Variants in KALRN observed in about 807,000 individuals in gnomAD.
The protein encoded by KALRN is kalirin.
A neutral mutation model predicts 353.7 loss-of-function variants in KALRN; 70 were observed. The observed-to-expected ratio is 0.20, with a 90% CI of 0.16 to 0.24. The LOEUF is 0.24. Ranked by LOEUF, KALRN falls within the 10% of genes least tolerant of loss-of-function variation. KALRN has a pLI of 1.00. For synonymous variants in KALRN, 1,391 were observed against 1,434.8 expected (o/e 0.97, Z 0.69); for missense variants, 2,791 against 3,756.7 (o/e 0.74, Z 6.72).
At chr3:124,223,571 AATCCATGG>A (rs1242260384) in intron 1 of KALRN, among the ~76,000 whole-genome samples, 2 of 152,246 alleles carry the variant, frequency 1.3e-5, no homozygotes, top group Non-Finnish European at 2.9e-5. Context: ...AACAAAGAGC[AATCCATGG>A]ATACTCTGGC....
chr3:124,155,339 AT>A (rs1168172134), intron 1 of KALRN, among the ~76,000 whole-genome samples: 1 of 152,132 alleles, frequency 6.6e-6, no homozygotes, highest in Non-Finnish European at 1.5e-5. Flanking sequence ...TGAAAATACC[AT>A]TCTTTCCTCA....
intron 50 of KALRN, 38 bp from the exon 51 acceptor site, chr3:124,679,420 G>A: frequency 6.3e-7 from 1 of 1,582,798 alleles, no homozygotes; most frequent in Non-Finnish European, 8.7e-7. Context: ...TTCTAACTGT[G>A]TTCTCTTTCT....
At chr3:124,685,606 G>A (rs1156230323) in intron 51 of KALRN, among the ~76,000 whole-genome samples, 3 of 152,188 alleles carry the variant, frequency 2.0e-5, no homozygotes, top group Non-Finnish European at 2.9e-5. Context: ...TCTGTTTTAG[G>A]AGGAGAATTT....
intron 5 of KALRN, among the ~76,000 whole-genome samples, chr3:124,272,033 G>A (rs1308068087): frequency 6.6e-6 from 1 of 152,156 alleles, no homozygotes; most frequent in African/African-American, 2.4e-5. Context: ...ACTACTGGAG[G>A]CAGTAAAGAG....
intron 34 of KALRN, among the ~76,000 whole-genome samples, chr3:124,566,440 G>A (rs1354902194): frequency 6.6e-6 from 1 of 151,910 alleles, no homozygotes; most frequent in Admixed American, 6.6e-5. Flanking sequence ...GGGAGGCTGA[G>A]GCTGCAGTGA....
intron 33 of KALRN, among the ~76,000 whole-genome samples, chr3:124,529,117 AT>A (rs1329592788): frequency 1.3e-5 from 2 of 152,162 alleles, no homozygotes; most frequent in Non-Finnish European, 2.9e-5. Context: ...CAAACTGGTA[AT>A]TGCCACAGGA....
In KALRN at chr3:124,719,036, A is replaced by G; in HGVS notation, c.8527A>G (p.Asn2843Asp). 6.2e-7 allele frequency: 1 copy of G among 1,614,106 alleles called. No individual in the cohort carries two copies. Among genetic ancestry groups the G allele is most frequent in the Non-Finnish European group, 8.5e-7 (1 of 1,180,008 alleles). Residue 2843 changes from asparagine to aspartate, a missense_variant, in exon 60 of 60, where the codon AAC becomes GAC. Transcript: ENST00000682506. The surrounding 1 kb of genome is among the most constrained non-coding windows in gnomAD (Gnocchi z 5.3). Reference protein sequence around the residue: ...GHFHIHHLLGNPEFAAPEVIQ... With the variant: ...GHFHIHHLLGDPEFAAPEVIQ... ...CTTCCACATTCACCACCTGCTGGGG[A>G]ACCCTGAGTTTGCTGCCCCAGAAGT...
Position 124,455,143 on chromosome 3 carries a change from T to C in KALRN, c.3553-34T>C, listed in dbSNP as rs370179447. On this transcript the variant is annotated intron_variant, in intron 21 of 59. Transcript: ENST00000682506. ...GGGTGAAGGGGCAGGAGAATAAATG[T>C]AATCCAGTAACTTAAGGCCATCTTT... The C allele has an allele frequency of 3.7e-6, 6 of 1,611,068 alleles. No individual in the cohort carries two copies. In the African/African-American group the frequency reaches 8.0e-5, roughly 22 times the overall value.
chr3:124,180,633 G>A (rs994621730), intron 1 of KALRN, among the ~76,000 whole-genome samples: 8 of 152,184 alleles, frequency 5.3e-5, no homozygotes, highest in Non-Finnish European at 1.0e-4. Flanking sequence ...GACCTCCCTC[G>A]TTGGACTCAT....
chr3:124,426,136 T>G (rs920070392), intron 15 of KALRN, among the ~76,000 whole-genome samples: 13 of 152,152 alleles, frequency 8.5e-5, no homozygotes, highest in African/African-American at 3.1e-4. Flanking sequence ...GACAGACTTG[T>G]TTTCCTTGTC....
At chr3:124,211,583 G>A (rs1383222995) in intron 1 of KALRN, among the ~76,000 whole-genome samples, 1 of 152,132 alleles carries the variant, frequency 6.6e-6, no homozygotes, top group East Asian at 1.9e-4. Flanking sequence ...CTTAGGAGAG[G>A]GCAGCAGCAG....
intron 13 of KALRN, 103 bp from the exon 14 acceptor site, chr3:124,413,367 C>A: frequency 1.1e-6 from 1 of 918,050 alleles, no homozygotes; most frequent in Non-Finnish European, 1.7e-6. Context: ...AGAGACTTAA[C>A]TGAGGGGTGG....
At chr3:124,388,843 C>A (rs534586750) in intron 11 of KALRN, among the ~76,000 whole-genome samples, 1 of 152,164 alleles carries the variant, frequency 6.6e-6, no homozygotes, top group Non-Finnish European at 1.5e-5. Flanking sequence ...CTGTTTAATA[C>A]CTCTCAAGAC....
At chr3:124,382,511 G>A (rs1271195752) in intron 10 of KALRN, among the ~76,000 whole-genome samples, 1 of 152,150 alleles carries the variant, frequency 6.6e-6, no homozygotes, top group Admixed American at 6.5e-5. Flanking sequence ...GGATTTCTGG[G>A]ACACAGGAAT....
At chr3:124,254,854 C>T (rs1281824812) in intron 3 of KALRN, among the ~76,000 whole-genome samples, 1 of 152,176 alleles carries the variant, frequency 6.6e-6, no homozygotes, top group Non-Finnish European at 1.5e-5. Flanking sequence ...TTTCTGCTTC[C>T]TCCCCTGGCT....
At chr3:124,281,352 A>G (rs34043241) in intron 5 of KALRN, among the ~76,000 whole-genome samples, 5 of 152,196 alleles carry the variant, frequency 3.3e-5, no homozygotes, top group Admixed American at 6.5e-5. Context: ...GATTGGGTTG[A>G]CCAGCTTGTC....
chr3:124,498,053 C>T (rs1462751864), intron 33 of KALRN, among the ~76,000 whole-genome samples: 3 of 152,150 alleles, frequency 2.0e-5, no homozygotes, highest in Non-Finnish European at 4.4e-5. Context: ...AGTAAGGAAG[C>T]AGGCTCAGAG....
chr3:124,159,674 T>C (rs2069602334), intron 1 of KALRN, among the ~76,000 whole-genome samples: 4 of 152,028 alleles, frequency 2.6e-5, no homozygotes, highest in Admixed American at 2.6e-4. Context: ...ATTTCTCTGA[T>C]GCGTAATACC....
intron 33 of KALRN, among the ~76,000 whole-genome samples, chr3:124,510,582 ATTGTCCTT>A (rs2065791342): frequency 6.6e-6 from 1 of 151,708 alleles, no homozygotes; most frequent in Non-Finnish European, 1.5e-5. Flanking sequence ...TTGATGCGTC[ATTGTCCTT>A]TTATTCTTTC....
Sources: gnomAD v4.1 joint callset for allele counts (sites outside exome capture counted in the v4.1 genomes callset) on GRCh38, gnomAD v4.1.1 for gene constraint, Gnocchi (gnomAD v3.1) non-coding constraint, MANE v1.5 for transcripts, NCBI Gene and HGNC (gene_info 2026-07-23, HGNC 2026-07-21) for gene names.